The following MROH2B variants were observed in gnomAD, a reference collection of about 807,000 sequenced individuals.
The protein encoded by MROH2B is maestro heat-like repeat-containing protein family member 2B.
MROH2B carries 177 observed loss-of-function variants against 208.6 expected under a neutral mutation model. The observed-to-expected ratio is 0.85, with a 90% CI of 0.75 to 0.96. The LOEUF (loss-of-function observed/expected upper bound fraction) is 0.96. Among genes scored for constraint, MROH2B ranks in the 40% least tolerant of loss-of-function variants. The pLI is 0.00. For synonymous variants in MROH2B, 728 were observed against 659.0 expected (o/e 1.10, Z -1.60); for missense variants, 2,002 against 1,878.7 (o/e 1.07, Z -1.21).
rs1286717149 is a variant in MROH2B at position 41,064,622 on chromosome 5, G to C, written c.362-52C>G. ...AGTGTTATTTATCTTCTCAAATTTG[G>C]GGTTCTGTGACTCCAAATCAACAAG... On this transcript the variant is annotated intron_variant, in intron 4 of 41. Transcript: ENST00000399564. 52 of 1,445,624 alleles carry C rather than the reference G, an allele frequency of 3.6e-5. 1 individual carries two copies. Among genetic ancestry groups the C allele is most frequent in the South Asian group, 9.7e-5 (8 of 82,264 alleles). The allele number at this position is 1,445,624 out of a possible 1,614,324, so 89.5% of individuals were successfully genotyped here.
chr5:41,053,175 T>A (rs1046660893), intron 11 of MROH2B, among the ~76,000 whole-genome samples: 2 of 152,210 alleles, frequency 1.3e-5, no homozygotes, highest in Admixed American at 1.3e-4. Flanking sequence ...TTATTCACAA[T>A]TTCAGAGTCC....
chr5:41,002,015 C>T (rs2111792207), intron 37 of MROH2B, among the ~76,000 whole-genome samples: 1 of 152,146 alleles, frequency 6.6e-6, no homozygotes, highest in East Asian at 1.9e-4. Flanking sequence ...CAGAAAAGCT[C>T]AGATGTGACT....
At chr5:41,041,643 A>ACAG (rs1261355927) in intron 19 of MROH2B, among the ~76,000 whole-genome samples, 1 of 152,100 alleles carries the variant, frequency 6.6e-6, no homozygotes, top group South Asian at 2.1e-4. Flanking sequence ...AACAACAACA[A>ACAG]CAAAATACAC....
chr5:40,999,021 C>T (rs920492013), intron 40 of MROH2B, among the ~76,000 whole-genome samples: 2 of 152,124 alleles, frequency 1.3e-5, no homozygotes, highest in African/African-American at 2.4e-5. Context: ...ATGTATGATT[C>T]AAGAAGGAAT....
intron 21 of MROH2B, among the ~76,000 whole-genome samples, chr5:41,037,697 A>G (rs185553019): frequency 3.3e-5 from 5 of 152,330 alleles, no homozygotes; most frequent in Non-Finnish European, 7.3e-5. Flanking sequence ...GGTGCTGACA[A>G]TCTAACAGGA....
chr5:41,042,848 G>C (rs1472467370), intron 18 of MROH2B, among the ~76,000 whole-genome samples: 1 of 152,152 alleles, frequency 6.6e-6, no homozygotes, highest in East Asian at 1.9e-4. Flanking sequence ...CAAGGGATCT[G>C]CCTGCTTCAG....
At chr5:41,009,829 GT>G (rs1363835679) in intron 31 of MROH2B, 92 bp downstream of exon 31, 2 of 1,279,234 alleles carry the variant, frequency 1.6e-6, no homozygotes, top group Non-Finnish European at 2.1e-6. Flanking sequence ...TTCAACCTTT[GT>G]TTGCTATCTT....
At chr5:41,046,637 T>C (rs1004490174) in intron 17 of MROH2B, among the ~76,000 whole-genome samples, 4 of 151,992 alleles carry the variant, frequency 2.6e-5, no homozygotes, top group African/African-American at 9.7e-5. Flanking sequence ...GAAGAAGACA[T>C]GTGCAGACAG....
intron 24 of MROH2B, among the ~76,000 whole-genome samples, chr5:41,026,408 C>A (rs957254566): frequency 3.3e-5 from 5 of 152,032 alleles, no homozygotes; most frequent in Non-Finnish European, 7.4e-5. Flanking sequence ...AAACACAGAG[C>A]CAAATCATGA....
At chr5:41,003,101 C>A (rs1483780767) in intron 37 of MROH2B, among the ~76,000 whole-genome samples, 1 of 151,816 alleles carries the variant, frequency 6.6e-6, no homozygotes, top group South Asian at 2.1e-4. Context: ...GCTGGGACTA[C>A]AGGCGCGCAC....
At chr5:41,012,072 A>G (rs967697794) in intron 30 of MROH2B, among the ~76,000 whole-genome samples, 10 of 152,320 alleles carry the variant, frequency 6.6e-5, no homozygotes, top group African/African-American at 2.4e-4. Context: ...AAGCTTCCTG[A>G]ATTTAAATCC....
intron 28 of MROH2B, 51 bp downstream of exon 28, chr5:41,017,790 TGAGAATAAA>T: frequency 6.6e-7 from 1 of 1,517,424 alleles, no homozygotes; most frequent in Non-Finnish European, 8.8e-7. Flanking sequence ...GGAGAAAAGC[TGAGAATAAA>T]AGAAGATGGG....
intron 21 of MROH2B, among the ~76,000 whole-genome samples, chr5:41,036,797 A>C (rs1289791119): frequency 6.6e-6 from 1 of 152,158 alleles, no homozygotes; most frequent in Non-Finnish European, 1.5e-5. Context: ...TTGAAAAAAA[A>C]TTCAATGGGA....
Position 41,065,324 on chromosome 5 carries a change from G to A in MROH2B, c.361+7C>T, listed in dbSNP as rs367920908. On this transcript the variant is annotated splice_region_variant and intron_variant, in intron 4 of 41. Coordinates refer to ENST00000399564, the MANE Select transcript of MROH2B (RefSeq NM_173489.5). ...CCAGGGAAAATTGGAGAATATTCCC[G>A]CTATACCATAGCTGGTTGCCAATTC... is the stretch of plus-strand genomic sequence containing the variant. 6.4e-5 allele frequency: 103 copies of A among 1,606,788 alleles called. No individual in the cohort carries two copies. In the African/African-American group the frequency reaches 9.0e-4, roughly 14 times the overall value.
intron 34 of MROH2B, among the ~76,000 whole-genome samples, chr5:41,006,333 A>AT (rs1337773073): frequency 6.6e-6 from 1 of 151,682 alleles, no homozygotes; most frequent in African/African-American, 2.4e-5. Context: ...AATAATAATA[A>AT]AAAAAAAGGT....
chr5:41,030,560 C>T (rs1742532400), intron 24 of MROH2B, among the ~76,000 whole-genome samples: 1 of 151,896 alleles, frequency 6.6e-6, no homozygotes, highest in Admixed American at 6.6e-5. Context: ...AAGCAATATA[C>T]ATATTCAATG....
Position 41,009,399 on chromosome 5 carries a change from T to G in MROH2B, c.3301A>C (p.Lys1101Gln). The G allele has an allele frequency of 6.2e-7, 1 of 1,613,696 alleles. No homozygotes were observed. The highest frequency in any genetic ancestry group is 8.5e-7 in the Non-Finnish European group (1 of 1,179,740). ...TCAGCCAGCGCCTTCCACAATGTCT[T>G]TGTGTCCCTAGGGTGGCAAAGCAGG... ...QKPLPFDRDT[K>Q]TLWKALAEKP... Residue 1101 changes from lysine (K) to glutamine (Q), a missense_variant, in exon 32 of 42, where the codon AAG (lysine) becomes CAG (glutamine). Physicochemically the swap from Lys to Gln is moderately conservative, Grantham distance 53. Coordinates refer to ENST00000399564, the MANE Select transcript of MROH2B (RefSeq NM_173489.5).
intron 24 of MROH2B, among the ~76,000 whole-genome samples, chr5:41,026,610 C>G (rs1051232532): frequency 6.6e-6 from 1 of 152,152 alleles, no homozygotes; most frequent in Non-Finnish European, 1.5e-5. Flanking sequence ...GGCCATACTG[C>G]CCAAGGTAAT....
At chr5:41,025,740 G>T (rs1293398656) in intron 24 of MROH2B, among the ~76,000 whole-genome samples, 1 of 152,076 alleles carries the variant, frequency 6.6e-6, no homozygotes, top group African/African-American at 2.4e-5. Context: ...AAAAAAAAGA[G>T]AATTTTAGAC....
Sources: gnomAD v4.1 joint callset for allele counts (sites outside exome capture counted in the v4.1 genomes callset) on GRCh38, gnomAD v4.1.1 for gene constraint, MANE v1.5 for transcripts, NCBI Gene and HGNC (gene_info 2026-07-23, HGNC 2026-07-21) for gene names.